Variants in ERICH1 observed in about 807,000 individuals in gnomAD.
The protein encoded by ERICH1 is glutamate rich 1, also known as glutamate-rich protein 1.
In ERICH1, 56 loss-of-function variants were observed where a neutral mutation model predicts 39.6. The ratio of observed to expected loss-of-function variants is 1.41; its 90% CI spans 1.14 to 1.77. The LOEUF is 1.77. ERICH1 is among the 40% of genes most tolerant of loss of function. ERICH1 has a pLI of 0.00. For synonymous variants in ERICH1, 313 were observed against 223.6 expected (o/e 1.40, Z -3.57); for missense variants, 826 against 575.4 (o/e 1.44, Z -4.45).
intron 3 of ERICH1, among the ~76,000 whole-genome samples, chr8:688,541 A>G (rs1808181305): frequency 6.6e-6 from 1 of 151,950 alleles, no homozygotes; most frequent in South Asian, 2.1e-4. Flanking sequence ...GCCTGAGCAC[A>G]CCGCCCAACA....
intron 3 of ERICH1, among the ~76,000 whole-genome samples, chr8:629,800 C>T (rs1422240532): frequency 2.1e-5 from 3 of 142,776 alleles, no homozygotes; most frequent in African/African-American, 8.6e-5. Flanking sequence ...AGCTGACTCA[C>T]ACCCTCCTGT....
intron 3 of ERICH1, among the ~76,000 whole-genome samples, chr8:689,647 C>A (rs1300806332): frequency 2.6e-5 from 4 of 152,164 alleles, no homozygotes; most frequent in African/African-American, 9.7e-5. Flanking sequence ...ACATTTTCTT[C>A]TAAAAATTAC....
chr8:720,841 G>C (rs1050376238), intron 1 of ERICH1, among the ~76,000 whole-genome samples: 5 of 152,142 alleles, frequency 3.3e-5, no homozygotes, highest in African/African-American at 1.2e-4. Flanking sequence ...CACACTCCTG[G>C]AGGTCACCGT....
At chr8:622,379 T>A (rs1031081564) in intron 3 of ERICH1, among the ~76,000 whole-genome samples, 2 of 152,030 alleles carry the variant, frequency 1.3e-5, no homozygotes, top group African/African-American at 4.8e-5. Flanking sequence ...TGAAAATGAA[T>A]AGGATTAATG....
At position 668,081 on chromosome 8, in the gene ERICH1, C is replaced by T. The variant is rs573330298; in HGVS notation, c.1258+517G>A. On this transcript the variant is annotated intron_variant, in intron 5 of 5. Coordinates refer to ENST00000262109, the MANE Select transcript of ERICH1 (RefSeq NM_207332.3). Reference sequence around the variant, plus strand: ...TTTCAGCATTTGCAGGTTTCTGTGGCCTGAATACCCTCACCACAGCTTGTG... The same window carrying T: ...TTTCAGCATTTGCAGGTTTCTGTGGTCTGAATACCCTCACCACAGCTTGTG... 297 of 181,056 alleles carry T rather than the reference C, an allele frequency of 1.6e-3. 1 individual carries two copies. The highest frequency in any genetic ancestry group is 6.7e-3 in the African/African-American group (280 of 42,006). The allele number at this position is 181,056 out of a possible 1,614,324, so 11.2% of individuals were successfully genotyped here.
intron 3 of ERICH1, among the ~76,000 whole-genome samples, chr8:620,070 T>C (rs189436114): frequency 0.013 from 2,014 of 152,254 alleles, 31 homozygotes; most frequent in African/African-American, 0.046. Flanking sequence ...TCCCAGCACT[T>C]TGGGAGGCCA....
At chr8:685,063 G>A (rs56108582) in intron 3 of ERICH1, among the ~76,000 whole-genome samples, 2,936 of 152,292 alleles carry the variant, frequency 0.019, 42 homozygotes, top group Non-Finnish European at 0.028. Context: ...CCTAATCCTA[G>A]CAAGCCTGGG....
intron 3 of ERICH1, among the ~76,000 whole-genome samples, chr8:650,913 A>G (rs1799864816): frequency 6.6e-6 from 1 of 152,160 alleles, no homozygotes; most frequent in Non-Finnish European, 1.5e-5. Context: ...GTGACTGAGA[A>G]ATAGATCTGG....
intron 3 of ERICH1, among the ~76,000 whole-genome samples, chr8:618,749 C>T (rs753988004): frequency 2.0e-5 from 3 of 152,108 alleles, no homozygotes; most frequent in East Asian, 1.9e-4. Context: ...AACCTGGTGT[C>T]GTGGACTACC....
chr8:637,772 T>G (rs1026205381), intron 3 of ERICH1, among the ~76,000 whole-genome samples: 5 of 152,122 alleles, frequency 3.3e-5, no homozygotes, highest in African/African-American at 4.8e-5. Context: ...GGCTGCTCAG[T>G]TGGGGAGTGG....
intron 2 of ERICH1, among the ~76,000 whole-genome samples, chr8:708,596 G>C (rs915706153): frequency 2.0e-5 from 3 of 149,706 alleles, no homozygotes; most frequent in African/African-American, 7.4e-5. Context: ...GTCCAGAACA[G>C]ACAAATCTAT....
At chr8:670,073 C>G (rs1263363805) in intron 4 of ERICH1, among the ~76,000 whole-genome samples, 1 of 152,206 alleles carries the variant, frequency 6.6e-6, no homozygotes, top group Non-Finnish European at 1.5e-5. Context: ...CACCCGTTTT[C>G]TCTCCACTCT....
At chr8:720,749 T>C (rs1445645442) in intron 1 of ERICH1, among the ~76,000 whole-genome samples, 2 of 152,214 alleles carry the variant, frequency 1.3e-5, no homozygotes, top group African/African-American at 2.4e-5. Context: ...TTAAGTATCA[T>C]GAATCCCTAT....
chr8:616,964 CAGAG>C (rs74222338), intron 3 of ERICH1, among the ~76,000 whole-genome samples: 1 of 10,154 alleles, frequency 9.8e-5, no homozygotes, highest in Non-Finnish European at 1.4e-4. Flanking sequence ...CAGAGACACA[CAGAG>C]AGAGAGAGAG....
At chr8:688,199 C>A (rs935498966) in intron 3 of ERICH1, among the ~76,000 whole-genome samples, 9 of 145,668 alleles carry the variant, frequency 6.2e-5, no homozygotes, top group Non-Finnish European at 1.1e-4. Flanking sequence ...CACGGCAAGG[C>A]CCCTGAGCCG....
chr8:665,085 G>A (rs564206274), intron 5 of ERICH1, among the ~76,000 whole-genome samples: 2 of 152,230 alleles, frequency 1.3e-5, no homozygotes, highest in Non-Finnish European at 2.9e-5. Context: ...AAGTGGAGCC[G>A]TAAGTGAGAC....
chr8:652,191 C>A (rs1800052244), intron 3 of ERICH1, among the ~76,000 whole-genome samples: 1 of 152,028 alleles, frequency 6.6e-6, no homozygotes, highest in Non-Finnish European at 1.5e-5. Context: ...ACCCACGTGC[C>A]CTCTGAATCC....
At chr8:722,241 T>G (rs375675701) in intron 1 of ERICH1, among the ~76,000 whole-genome samples, 3 of 138,048 alleles carry the variant, frequency 2.2e-5, no homozygotes, top group African/African-American at 8.1e-5. Flanking sequence ...AAAAAAAACC[T>G]GCAGGAAAAC....
intron 3 of ERICH1, among the ~76,000 whole-genome samples, chr8:651,965 G>T (rs902547900): frequency 2.0e-5 from 3 of 152,186 alleles, no homozygotes; most frequent in South Asian, 4.1e-4. Context: ...GAAATTAGAA[G>T]ATCAACTATT....
Sources: gnomAD v4.1 joint callset for allele counts (sites outside exome capture counted in the v4.1 genomes callset) on GRCh38, gnomAD v4.1.1 for gene constraint, MANE v1.5 for transcripts, NCBI Gene and HGNC (gene_info 2026-07-23, HGNC 2026-07-21) for gene names.